DNAH6: variants seen among roughly 807,000 people sequenced by gnomAD.
The protein encoded by DNAH6 is axonemal beta dynein heavy chain 6.
Under a neutral mutation model 491.4 loss-of-function variants are expected in DNAH6, and 340 were observed. That is an observed-to-expected ratio of 0.69 (90% CI 0.63 to 0.76). The LOEUF is 0.76. DNAH6 is among the 30% of genes least tolerant of loss of function. The pLI, the probability that DNAH6 is intolerant of heterozygous loss-of-function variation, is 0.00. For synonymous variants in DNAH6, 1,603 were observed against 1,686.1 expected (o/e 0.95, Z 1.21); for missense variants, 4,443 against 4,972.2 (o/e 0.89, Z 3.20).
chr2:84,699,519 T>C (rs997482284), intron 47 of DNAH6, 75 bp from the exon 48 acceptor site: 35 of 1,291,822 alleles, frequency 2.7e-5, no homozygotes, highest in Non-Finnish European at 3.6e-5. Context: ...GAGCCTCAGA[T>C]GCATTAGCCA....
chr2:84,556,247 G>A (rs1680008624), intron 10 of DNAH6, among the ~76,000 whole-genome samples: 1 of 152,142 alleles, frequency 6.6e-6, no homozygotes, highest in Non-Finnish European at 1.5e-5. Flanking sequence ...TTGGAAGTTG[G>A]GACCCTTTAT....
chr2:84,552,746 A>G (rs887107581), intron 9 of DNAH6, among the ~76,000 whole-genome samples, 172 bp from the exon 10 acceptor site: 34 of 152,006 alleles, frequency 2.2e-4, no homozygotes, highest in African/African-American at 8.2e-4. Context: ...GTCTTTCAAT[A>G]TTTGCCTTTT....
chr2:84,489,352 A>T, the DNAH6 span, among the ~76,000 whole-genome samples: 1 of 152,066 alleles, frequency 6.6e-6, no homozygotes, highest in African/African-American at 2.4e-5. Context: ...TGCTGAAAAA[A>T]ATTCATTCCT....
chr2:84,592,939 A>G (rs1573138584), intron 16 of DNAH6, among the ~76,000 whole-genome samples: 1 of 152,116 alleles, frequency 6.6e-6, no homozygotes, highest in Non-Finnish European at 1.5e-5. Context: ...GGAAGGGGAA[A>G]TGAGGAGTTG....
intron 37 of DNAH6, among the ~76,000 whole-genome samples, chr2:84,664,841 G>A (rs1333851095): frequency 6.6e-6 from 1 of 152,184 alleles, no homozygotes; most frequent in Non-Finnish European, 1.5e-5. Flanking sequence ...TGGCCACATA[G>A]GTGGAAGTAA....
At chr2:84,511,224 G>T in the DNAH6 span, among the ~76,000 whole-genome samples, 1 of 152,210 alleles carries the variant, frequency 6.6e-6, no homozygotes, top group African/African-American at 2.4e-5. Flanking sequence ...GCTCCACCCA[G>T]TTCGAGCTTC....
intron 70 of DNAH6, among the ~76,000 whole-genome samples, chr2:84,798,957 A>G (rs1678610685): frequency 6.6e-6 from 1 of 151,402 alleles, no homozygotes; most frequent in South Asian, 2.1e-4. Context: ...TATGCCAGCA[A>G]GGGAGCTGGT....
At chr2:84,472,163 G>C in the DNAH6 span, among the ~76,000 whole-genome samples, 1 of 151,968 alleles carries the variant, frequency 6.6e-6, no homozygotes, top group Non-Finnish European at 1.5e-5. Context: ...AATAAAGCTA[G>C]ATGCAATTGC....
At chr2:84,641,025 A>G (rs530712840) in intron 32 of DNAH6, among the ~76,000 whole-genome samples, 2 of 152,300 alleles carry the variant, frequency 1.3e-5, no homozygotes, top group African/African-American at 2.4e-5. Flanking sequence ...AGTTCAGCTT[A>G]TGTCTTAGAT....
intron 11 of DNAH6, among the ~76,000 whole-genome samples, chr2:84,564,283 G>C (rs1405690117): frequency 1.3e-5 from 2 of 152,032 alleles, no homozygotes; most frequent in African/African-American, 2.4e-5. Flanking sequence ...AAATTGCTTT[G>C]GGCATTATGG....
At position 84,653,515 on chromosome 2, in the gene DNAH6, A is replaced by C; in HGVS notation, c.5275A>C (p.Lys1759Gln). 1 of 1,551,346 alleles carries C rather than the reference A, an allele frequency of 6.4e-7. No individual in the cohort carries two copies. The highest frequency in any genetic ancestry group is 8.7e-7 in the Non-Finnish European group (1 of 1,146,732). ...GTTAGTCGGGCCAACAGGAGGCGGC[A>C]AGACCACAGTTTACCGAATACTAGC... ...VMLVGPTGGG[K>Q]TTVYRILAET... Residue 1759 changes from lysine to glutamine, a missense_variant, in exon 34 of 77, where the codon AAG becomes CAG. By Grantham distance (53) the Lys-to-Gln change is moderately conservative. Around this residue, in one of 3 missense-constraint regions of DNAH6, gnomAD observed 2,977 missense variants for 3,296.6 expected, o/e 0.90. Transcript: ENST00000389394.
intron 24 of DNAH6, among the ~76,000 whole-genome samples, chr2:84,620,618 G>T (rs2104396778): frequency 6.6e-6 from 1 of 152,302 alleles, no homozygotes; most frequent in South Asian, 2.1e-4. Context: ...GAACACAGTG[G>T]TGTATCTATG....
chr2:84,737,493 T>C (rs780168093), intron 62 of DNAH6, among the ~76,000 whole-genome samples: 2 of 152,034 alleles, frequency 1.3e-5, no homozygotes, highest in Non-Finnish European at 2.9e-5. Context: ...TTATTCCTGA[T>C]TGAACTTCAT....
At chr2:84,609,137 A>G (rs984788648) in intron 21 of DNAH6, among the ~76,000 whole-genome samples, 5 of 152,196 alleles carry the variant, frequency 3.3e-5, no homozygotes, top group African/African-American at 1.2e-4. Flanking sequence ...GCTTTGGCTT[A>G]AGGGAATGTT....
At chr2:84,509,683 A>T in the DNAH6 span, among the ~76,000 whole-genome samples, 1 of 152,128 alleles carries the variant, frequency 6.6e-6, no homozygotes, top group African/African-American at 2.4e-5. Context: ...TGGTCTTTAC[A>T]ATTTGGCATG....
In DNAH6 at chr2:84,704,185, C is replaced by A; in HGVS notation, c.8348C>A (p.Ala2783Asp). ...LDEALPALDA[A>D]NKALDSLDKA... ...GAGGCACTACCTGCACTAGATGCTG[C>A]CAATAAAGCACTGGATTCCTTAGAT... The change falls in exon 51 of 77, where the codon GCC (alanine) becomes GAC (aspartate). Residue 2783 changes from alanine (A) to aspartate (D), a missense_variant. Transcript: ENST00000389394. 6.4e-7 allele frequency: 1 copy of A among 1,551,920 alleles called. No homozygotes were observed. Among genetic ancestry groups the A allele is most frequent in the South Asian group, 1.2e-5 (1 of 84,050 alleles).
At chr2:84,739,120 T>C (rs1382997725) in intron 62 of DNAH6, among the ~76,000 whole-genome samples, 1 of 152,248 alleles carries the variant, frequency 6.6e-6, no homozygotes, top group Non-Finnish European at 1.5e-5. Flanking sequence ...TATGAAATTC[T>C]TGGCTGACAT....
rs914947363 is a variant in DNAH6, at chr2:84,781,519, G to T, written c.10730G>T (p.Gly3577Val). The change falls in exon 65 of 77, where the codon GGA becomes GTA. Residue 3577 changes from glycine to valine, a missense_variant. By Grantham distance (109) the Gly-to-Val change is moderately radical. This residue lies in a region of DNAH6 where 1,463 missense variants were observed against 1,656.6 expected (regional missense o/e 0.88). Coordinates refer to ENST00000389394, the MANE Select transcript of DNAH6 (RefSeq NM_001370.2). ...GTGCAGTCAATTTCACTGGGGCAAG[G>T]ACAAGGACCTATTGCTGAAAAAATG... ...ERVQSISLGQ[G>V]QGPIAEKMVK... is the part of the protein sequence containing the mutation. 6.4e-7 allele frequency: 1 copy of T among 1,551,360 alleles called. No homozygotes were observed.
At position 84,771,719 on chromosome 2, in the gene DNAH6, A is replaced by G. The variant is rs563631664; in HGVS notation, c.10703+8774A>G. Among the ~76,000 whole-genome samples the G allele has an allele frequency of 3.0e-4, 46 of 152,276 alleles. 2 individuals carry two copies. The South Asian group carries it at 9.5e-3, about 32-fold the overall frequency. On this transcript the variant is annotated intron_variant, in intron 64 of 76. Transcript: ENST00000389394. ...AGGGACTGTTAACCAAGAATTCTAT[A>G]TCTGGCAAAATGATCCTTCAAAAAT...
Sources: allele counts gnomAD v4.1 joint callset (sites outside exome capture counted in the v4.1 genomes callset), GRCh38; gene constraint gnomAD v4.1.1; regional missense constraint gnomAD v4.1.1; transcripts MANE v1.5; gene names NCBI Gene and HGNC (gene_info 2026-07-23, HGNC 2026-07-21).